Variants in CEP164 observed in about 807,000 individuals in gnomAD.
CEP164 encodes the protein centrosomal protein of 164 kDa.
Under a neutral mutation model 182.7 loss-of-function variants are expected in CEP164, and 162 were observed. The observed-to-expected ratio is 0.89, with a 90% CI of 0.78 to 1.01. The LOEUF is 1.01. Ranked by LOEUF, CEP164 falls within the 50% of genes least tolerant of loss-of-function variation. The pLI, the probability that CEP164 is intolerant of heterozygous loss-of-function variation, is 0.00. For missense variants in CEP164, 1,735 were observed against 1,790.4 expected (o/e 0.97, Z 0.56); for synonymous variants, 661 against 690.0 (o/e 0.96, Z 0.66).
intron 9 of CEP164, among the ~76,000 whole-genome samples, chr11:117,373,452 CT>C (rs774612329): frequency 3.7e-4 from 56 of 152,324 alleles, no homozygotes; most frequent in Admixed American, 1.2e-3. Flanking sequence ...GTACTGCCAC[CT>C]TTCTAACCGT....
chr11:117,410,368 G>T (rs886182405), intron 30 of CEP164: 11 of 302,870 alleles, frequency 3.6e-5, no homozygotes, highest in Non-Finnish European at 3.1e-5. Flanking sequence ...ATTCTCTGAG[G>T]TAGTAATTAT....
At chr11:117,342,830 A>G (rs2038318304) in intron 3 of CEP164, among the ~76,000 whole-genome samples, 1 of 152,032 alleles carries the variant, frequency 6.6e-6, no homozygotes, top group South Asian at 2.1e-4. Context: ...TTCTGTGGCA[A>G]AAGAGCTTTT....
At chr11:117,374,221 C>T (rs1312802625) in intron 10 of CEP164, among the ~76,000 whole-genome samples, 1 of 152,040 alleles carries the variant, frequency 6.6e-6, no homozygotes, top group East Asian at 1.9e-4. Flanking sequence ...TGAGCTGTGG[C>T]GAGGACAGTC....
In CEP164 at chr11:117,387,338, A is replaced by T. The variant is rs745707423; in HGVS notation, c.1860A>T (p.Gln620His). 9 of 1,614,090 alleles carry T rather than the reference A, an allele frequency of 5.6e-6. No individual in the cohort carries two copies. The African/African-American group carries it at 9.3e-5, about 17-fold the overall frequency. ...AATCCAAGCAAGAGAAGATGCAGCA[A>T]CTGCGGGAGAAGCTGTGCCAAGAGG... ...LLESKQEKMQ[Q>H]LREKLCQEEE... The change falls in exon 15 of 33, where the codon CAA (glutamine) becomes CAT (histidine). Residue 620 changes from glutamine (Q) to histidine (H), a missense_variant. By Grantham distance (24) the Gln-to-His change is conservative. Coordinates refer to ENST00000278935, the MANE Select transcript of CEP164 (RefSeq NM_014956.5).
chr11:117,362,098 A>G (rs2041058972), intron 6 of CEP164, 105 bp downstream of exon 6: 1 of 1,109,688 alleles, frequency 9.0e-7, no homozygotes, highest in East Asian at 2.4e-5. Flanking sequence ...GAATCGGTGG[A>G]GTCCTCAGAG....
intron 5 of CEP164, among the ~76,000 whole-genome samples, chr11:117,354,177 C>T (rs1239996969): frequency 2.0e-5 from 3 of 151,904 alleles, no homozygotes; most frequent in South Asian, 2.1e-4. Context: ...CCACCGTGCC[C>T]GGCTAATTTT....
At chr11:117,410,097 C>T (rs1296978348) in intron 30 of CEP164, 132 bp downstream of exon 30, 1 of 867,318 alleles carries the variant, frequency 1.2e-6, no homozygotes, top group Non-Finnish European at 1.9e-6. Flanking sequence ...ACCTCTCCTC[C>T]CCCAACGTTA....
intron 10 of CEP164, among the ~76,000 whole-genome samples, chr11:117,374,222 G>A (rs935493484): frequency 2.6e-5 from 4 of 152,090 alleles, no homozygotes; most frequent in African/African-American, 7.2e-5. Context: ...GAGCTGTGGC[G>A]AGGACAGTCC....
chr11:117,363,737 G>A (rs1242431224), intron 8 of CEP164, among the ~76,000 whole-genome samples: 1 of 104,082 alleles, frequency 9.6e-6, no homozygotes, highest in Admixed American at 1.0e-4. Context: ...TTATGTTATT[G>A]TAATACCTAA....
intron 31 of CEP164, 57 bp downstream of exon 31, chr11:117,410,951 G>A: frequency 1.3e-6 from 2 of 1,509,870 alleles, no homozygotes; most frequent in Non-Finnish European, 1.8e-6. Context: ...TGCTCACTGT[G>A]CCTCCCTGGG....
intron 5 of CEP164, chr11:117,356,228 TCTGAGGAC>T (rs1330395584): frequency 8.2e-6 from 9 of 1,096,476 alleles, no homozygotes; most frequent in Admixed American, 4.4e-5. Flanking sequence ...TGAAGACTAC[TCTGAGGAC>T]CAGAGGTTCT....
intron 27 of CEP164, among the ~76,000 whole-genome samples, chr11:117,400,665 G>A (rs2046023598): frequency 6.6e-6 from 1 of 152,172 alleles, no homozygotes; most frequent in Non-Finnish European, 1.5e-5. Flanking sequence ...ACTTCCTTGA[G>A]CAGTGGTTTG....
intron 27 of CEP164, among the ~76,000 whole-genome samples, chr11:117,404,232 C>T (rs1200028675): frequency 6.6e-6 from 1 of 152,146 alleles, no homozygotes; most frequent in African/African-American, 2.4e-5. Flanking sequence ...GGAGAACAGA[C>T]ATTCTTGTTT....
intron 1 of CEP164, among the ~76,000 whole-genome samples, chr11:117,332,255 G>A (rs1423160148): frequency 6.6e-6 from 1 of 152,118 alleles, no homozygotes; most frequent in Admixed American, 6.6e-5. Flanking sequence ...TTTAACAGGA[G>A]AGGTAAGAAG....
intron 27 of CEP164, among the ~76,000 whole-genome samples, chr11:117,405,335 G>T (rs2046555921): frequency 6.6e-6 from 1 of 152,220 alleles, no homozygotes; most frequent in Non-Finnish European, 1.5e-5. Context: ...TGTGGGAAAA[G>T]CGTAGTATCT....
chr11:117,344,208 A>G lies in CEP164; in HGVS notation c.125A>G (p.Lys42Arg). 1 of 1,613,692 alleles carries G rather than the reference A, an allele frequency of 6.2e-7. No individual in the cohort carries two copies. Among genetic ancestry groups the G allele is most frequent in the Non-Finnish European group, 8.5e-7 (1 of 1,179,842 alleles). ...FAREIGIDPI[K>R]EPELMWLARE... ...CGGGAGATTGGTATTGATCCCATCA[A>G]GGAACCAGAACTGATGTGGCTGGCG... Residue 42 changes from lysine (K) to arginine (R), a missense_variant, in exon 4 of 33, where the codon AAG (lysine) becomes AGG (arginine). Transcript: ENST00000278935.
intron 1 of CEP164, among the ~76,000 whole-genome samples, chr11:117,331,496 TTGA>T (rs1480894598): frequency 6.6e-6 from 1 of 152,216 alleles, no homozygotes; most frequent in African/African-American, 2.4e-5. Context: ...TTCAGGCTTT[TTGA>T]TTTTTGTTAA....
At chr11:117,382,721 C>A in intron 13 of CEP164, 75 bp from the exon 14 acceptor site, 1 of 1,533,184 alleles carries the variant, frequency 6.5e-7, no homozygotes, top group Non-Finnish European at 8.8e-7. Context: ...AGCTCTTTGA[C>A]CCCAAATGGC....
intron 15 of CEP164, among the ~76,000 whole-genome samples, chr11:117,390,208 GC>G (rs1370253247): frequency 6.6e-6 from 1 of 152,002 alleles, no homozygotes; most frequent in Non-Finnish European, 1.5e-5. Context: ...CTCCCAAAGT[GC>G]TGGGATTACG....
Sources: gnomAD v4.1 joint callset for allele counts (sites outside exome capture counted in the v4.1 genomes callset) on GRCh38, gnomAD v4.1.1 for gene constraint, MANE v1.5 for transcripts, NCBI Gene and HGNC (gene_info 2026-07-23, HGNC 2026-07-21) for gene names.